PTPRN2: variants seen among roughly 807,000 people sequenced by gnomAD.
PTPRN2 encodes the protein protein tyrosine phosphatase receptor type N2, also known as receptor-type tyrosine-protein phosphatase N2.
A neutral mutation model predicts 118.8 loss-of-function variants in PTPRN2; 74 were observed. The observed-to-expected ratio is 0.62, with a 90% CI of 0.52 to 0.76. The LOEUF (loss-of-function observed/expected upper bound fraction) is 0.76. PTPRN2 is among the 30% of genes least tolerant of loss of function. The pLI is 0.00. For missense variants in PTPRN2, 1,481 were observed against 1,394.4 expected (o/e 1.06, Z -0.99); for synonymous variants, 641 against 608.0 (o/e 1.05, Z -0.80).
chr7:157,704,852 G>A (rs1052501310), intron 12 of PTPRN2, among the ~76,000 whole-genome samples: 3 of 152,246 alleles, frequency 2.0e-5, no homozygotes, highest in Non-Finnish European at 4.4e-5. Flanking sequence ...GCCCCAGAGT[G>A]TGTGTCTGTA....
chr7:158,077,410 A>G (rs1812449270), intron 11 of PTPRN2, among the ~76,000 whole-genome samples: 1 of 152,208 alleles, frequency 6.6e-6, no homozygotes, highest in Non-Finnish European at 1.5e-5. Context: ...CCTCTCCAAC[A>G]GGCTGAAAGA....
At chr7:158,585,276 T>C (rs956657255) in intron 1 of PTPRN2, among the ~76,000 whole-genome samples, 1 of 152,200 alleles carries the variant, frequency 6.6e-6, no homozygotes, top group Non-Finnish European at 1.5e-5. Flanking sequence ...CATAGGTAGC[T>C]GACACATGGC....
At chr7:157,789,369 C>A (rs1804283304) in intron 12 of PTPRN2, among the ~76,000 whole-genome samples, 1 of 152,214 alleles carries the variant, frequency 6.6e-6, no homozygotes, top group Non-Finnish European at 1.5e-5. Context: ...CCAGACCCAC[C>A]CTGGGACATC....
intron 2 of PTPRN2, among the ~76,000 whole-genome samples, chr7:158,338,619 C>G (rs1806142209): frequency 1.2e-5 from 1 of 82,396 alleles, no homozygotes; most frequent in Non-Finnish European, 2.2e-5. Flanking sequence ...ACAGAGGACA[C>G]TCACACCCAT....
chr7:157,604,132 C>A, intron 15 of PTPRN2, 57 bp from the exon 16 acceptor site: 1 of 1,545,800 alleles, frequency 6.5e-7, no homozygotes, highest in Non-Finnish European at 8.9e-7. Flanking sequence ...CAGTGTGAGA[C>A]CCCCACTTGG....
intron 1 of PTPRN2, among the ~76,000 whole-genome samples, chr7:158,567,668 A>C (rs1827742516): frequency 1.3e-5 from 2 of 152,198 alleles, no homozygotes; most frequent in African/African-American, 4.8e-5. Context: ...AGCGGACTGA[A>C]GGGGTACGGG....
At position 158,077,540 on chromosome 7, in the gene PTPRN2, C is replaced by G. The variant is rs62480173; in HGVS notation, c.1723+3758G>C. Among the ~76,000 whole-genome samples, 34 of 26,118 alleles carry G rather than the reference C, an allele frequency of 1.3e-3. 1 individual carries two copies. Among genetic ancestry groups the G allele is most frequent in the Admixed American group, 6.2e-3 (17 of 2,742 alleles). The allele number at this position is 26,118 out of a possible 152,430, so 17.1% of individuals were successfully genotyped here. On this transcript the variant is annotated intron_variant, in intron 11 of 22. Transcript: ENST00000389418. ...GCCTCACCCCACCATTCAGGGTCAG[C>G]ACAGGAGCCCCCTATGAGCCACACC...
chr7:157,887,498 C>CCCCA (rs1796529071), intron 12 of PTPRN2, among the ~76,000 whole-genome samples: 3 of 114,380 alleles, frequency 2.6e-5, no homozygotes, highest in Non-Finnish European at 3.6e-5. Context: ...AGTACCCACT[C>CCCCA]GTCAGTACCC....
At chr7:158,268,513 C>T (rs1807264) in intron 3 of PTPRN2, among the ~76,000 whole-genome samples, 1,479 of 119,748 alleles carry the variant, frequency 0.012, 39 homozygotes, top group African/African-American at 0.046. Context: ...ACAAACAGGG[C>T]GGGTGTGAAA....
chr7:158,330,891 T>C (rs1436618890), intron 2 of PTPRN2, among the ~76,000 whole-genome samples: 38 of 99,854 alleles, frequency 3.8e-4, no homozygotes, highest in African/African-American at 1.4e-3. Context: ...ACCCAAACTC[T>C]CACCATAAGA....
At chr7:158,272,400 A>G (rs1285599526) in intron 3 of PTPRN2, among the ~76,000 whole-genome samples, 2 of 152,138 alleles carry the variant, frequency 1.3e-5, no homozygotes, top group African/African-American at 4.8e-5. Flanking sequence ...CTGTCTATTG[A>G]CTGAGTTTTT....
chr7:158,163,818 A>T (rs949994219), intron 6 of PTPRN2, among the ~76,000 whole-genome samples: 2 of 150,646 alleles, frequency 1.3e-5, no homozygotes, highest in African/African-American at 4.9e-5. Context: ...GGTTCTCAAT[A>T]TTCTCTGTAT....
At chr7:157,875,054 GACACAC>G (rs149916225) in intron 12 of PTPRN2, among the ~76,000 whole-genome samples, 1 of 150,520 alleles carries the variant, frequency 6.6e-6, no homozygotes, top group African/African-American at 2.4e-5. Flanking sequence ...CGCACACACA[GACACAC>G]ACACACACAC....
intron 1 of PTPRN2, among the ~76,000 whole-genome samples, chr7:158,524,541 A>AGTCTGCCCTGGAGTGGG (rs1824625043): frequency 6.7e-6 from 1 of 149,064 alleles, no homozygotes; most frequent in African/African-American, 2.5e-5. Context: ...CCTGGAGTGG[A>AGTCTGCCCTGGAGTGGG]GTCTGCCCTG....
chr7:157,861,919 C>T lies in PTPRN2; in HGVS notation c.1788+36754G>A, dbSNP rs1415765331. On this transcript the variant is annotated intron_variant, in intron 12 of 22. Transcript: ENST00000389418. The surrounding 1 kb of genome is among the most constrained non-coding windows in gnomAD (Gnocchi z 5.8). Reference sequence around the variant, plus strand: ...CTGCTGCTTCGAGGACTCTGTGTGCCGGAGTCTGTCCTCCCCATCACAGGG... The same window carrying T: ...CTGCTGCTTCGAGGACTCTGTGTGCTGGAGTCTGTCCTCCCCATCACAGGG... 2.6e-4 allele frequency among the ~76,000 whole-genome samples: 29 copies of T among 111,314 alleles called. No homozygotes were observed. The highest frequency in any genetic ancestry group is 5.6e-4 in the East Asian group (2 of 3,562). 73.0% of individuals were successfully genotyped at this position (111,314 alleles called of 152,430 possible).
At position 157,831,986 on chromosome 7, in the gene PTPRN2, G is replaced by A. The variant is rs183604098; in HGVS notation, c.1788+66687C>T. ...TGCTTCGTCTGCATGAGGAGTGACG[G>A]CTGGGCTGCTGATGGCCCTGAGGGG... On this transcript the variant is annotated intron_variant, in intron 12 of 22. Coordinates refer to ENST00000389418, the MANE Select transcript of PTPRN2 (RefSeq NM_002847.5). This position sits in a 1 kb window ranked among gnomAD's most constrained non-coding sequence, Gnocchi z 4.8. 6.5e-4 allele frequency among the ~76,000 whole-genome samples: 99 copies of A among 152,342 alleles called. No individual in the cohort carries two copies. The highest frequency in any genetic ancestry group is 1.1e-3 in the Non-Finnish European group (72 of 68,028).
intron 12 of PTPRN2, among the ~76,000 whole-genome samples, chr7:157,685,546 G>C (rs1038815564): frequency 2.2e-4 from 33 of 152,100 alleles, no homozygotes; most frequent in African/African-American, 7.2e-4. Flanking sequence ...GGTGAGGGCA[G>C]GGGACGCGCG....
chr7:157,932,990 C>CAT (rs779214332), intron 11 of PTPRN2, among the ~76,000 whole-genome samples: 11 of 131,912 alleles, frequency 8.3e-5, no homozygotes, highest in African/African-American at 1.5e-4. Context: ...GTGAGTCACT[C>CAT]TGACTGACAG....
chr7:158,367,173 G>T (rs1261952986), intron 2 of PTPRN2, among the ~76,000 whole-genome samples: 1 of 152,210 alleles, frequency 6.6e-6, no homozygotes, highest in Non-Finnish European at 1.5e-5. Context: ...CCAGTGCTCG[G>T]AAGCATCTGG....
Sources: gnomAD v4.1 joint callset for allele counts (sites outside exome capture counted in the v4.1 genomes callset) on GRCh38, gnomAD v4.1.1 for gene constraint, Gnocchi (gnomAD v3.1) non-coding constraint, MANE v1.5 for transcripts, NCBI Gene and HGNC (gene_info 2026-07-23, HGNC 2026-07-21) for gene names.